The following CADM2 variants were observed in gnomAD, a reference collection of about 807,000 sequenced individuals.
CADM2 encodes immunoglobulin superfamily member 4D.
In CADM2, 12 loss-of-function variants were observed where a neutral mutation model predicts 49.8. The observed-to-expected ratio is 0.24, with a 90% confidence interval of 0.15 to 0.39. CADM2 has a LOEUF of 0.39. Among genes scored for constraint, CADM2 ranks in the 10% least tolerant of loss-of-function variants. The pLI is 1.00. For synonymous variants in CADM2, 214 were observed against 175.4 expected, an observed-to-expected ratio of 1.22 and a Z score of -1.74; for missense variants, 378 against 492.3, an observed-to-expected ratio of 0.77 and a Z score of 2.20.
At chr3:85,162,587 G>T (rs927160127) in intron 1 of CADM2, among the ~76,000 whole-genome samples, 1 of 151,954 alleles carries the variant, frequency 6.6e-6, no homozygotes, top group Non-Finnish European at 1.5e-5. Flanking sequence ...ATATATGGTT[G>T]AGGTTTGTGT....
At chr3:85,073,627 T>G (rs2036837902) in intron 1 of CADM2, among the ~76,000 whole-genome samples, 1 of 152,120 alleles carries the variant, frequency 6.6e-6, no homozygotes, top group Non-Finnish European at 1.5e-5. Flanking sequence ...GGTGGTATAT[T>G]TTCTAGTAGT....
At chr3:85,495,780 A>C (rs1009147641) in intron 1 of CADM2, among the ~76,000 whole-genome samples, 19 of 152,078 alleles carry the variant, frequency 1.2e-4, no homozygotes, top group African/African-American at 4.6e-4. Context: ...TCTTTTAAAC[A>C]ATCAGATTCT....
At chr3:85,290,003 T>C (rs191831805) in intron 1 of CADM2, among the ~76,000 whole-genome samples, 7 of 152,194 alleles carry the variant, frequency 4.6e-5, no homozygotes, top group Non-Finnish European at 2.9e-5. Flanking sequence ...AGAAGACTGG[T>C]GATTTCTGCA....
intron 1 of CADM2, among the ~76,000 whole-genome samples, chr3:85,190,141 G>T (rs575685535): frequency 6.6e-6 from 1 of 151,762 alleles, no homozygotes; most frequent in Non-Finnish European, 1.5e-5. Context: ...AATATCCTAG[G>T]TCTAGACCAC....
intron 1 of CADM2, among the ~76,000 whole-genome samples, chr3:85,611,878 A>C (rs1453736890): frequency 6.6e-6 from 1 of 151,872 alleles, no homozygotes; most frequent in African/African-American, 2.4e-5. Context: ...AGGATGTCTC[A>C]GATAAGAAGA....
intron 1 of CADM2, among the ~76,000 whole-genome samples, chr3:84,961,374 G>T (rs1201316041): frequency 6.6e-6 from 1 of 152,100 alleles, no homozygotes; most frequent in African/African-American, 2.4e-5. Context: ...TGGTACTTTT[G>T]TGTATTTTAC....
chr3:85,419,224 G>A (rs1002693610), intron 1 of CADM2, among the ~76,000 whole-genome samples: 1 of 152,182 alleles, frequency 6.6e-6, no homozygotes. Flanking sequence ...GGGAGGCCGA[G>A]ATGGGTGGAT....
intron 1 of CADM2, among the ~76,000 whole-genome samples, chr3:85,372,733 G>C (rs2033341347): frequency 6.6e-6 from 1 of 152,096 alleles, no homozygotes; most frequent in Non-Finnish European, 1.5e-5. Flanking sequence ...TGAACTCACA[G>C]TTTCACATGA....
chr3:85,943,347 C>A (rs11720798), intron 7 of CADM2, among the ~76,000 whole-genome samples: 37,180 of 130,170 alleles, frequency 0.29, 6,304 homozygotes, highest in East Asian at 0.39. Flanking sequence ...TAATTAGATC[C>A]CATTTGTCAA....
chr3:85,729,397 G>C (rs1449181211), intron 2 of CADM2, among the ~76,000 whole-genome samples: 1 of 152,038 alleles, frequency 6.6e-6, no homozygotes. Flanking sequence ...TTGTGTACCT[G>C]CAACCAACCT....
At chr3:85,704,872 T>A (rs115164602) in intron 1 of CADM2, among the ~76,000 whole-genome samples, 30,985 of 150,196 alleles carry the variant, frequency 0.21, 4,018 homozygotes, top group Middle Eastern at 0.29. Flanking sequence ...TATTATTTTT[T>A]TTTTTTGATG....
At chr3:85,630,399 G>T (rs1374058433) in intron 1 of CADM2, among the ~76,000 whole-genome samples, 2 of 151,910 alleles carry the variant, frequency 1.3e-5, no homozygotes, top group Non-Finnish European at 2.9e-5. Flanking sequence ...TCAGTTCAAA[G>T]ATCTCTTTCT....
intron 1 of CADM2, among the ~76,000 whole-genome samples, chr3:85,628,580 C>CACATATATATACGTATATAT (rs2064198550): frequency 7.0e-6 from 1 of 142,682 alleles, no homozygotes; most frequent in African/African-American, 2.6e-5. Flanking sequence ...TATATACACA[C>CACATATATATACGTATATAT]ACATATATAT....
At chr3:85,543,427 T>TGG (rs1553739554) in intron 1 of CADM2, among the ~76,000 whole-genome samples, 14 of 53,366 alleles carry the variant, frequency 2.6e-4, no homozygotes, top group South Asian at 8.3e-4. Context: ...CTAATGTGTG[T>TGG]GTGTGTGTGT....
chr3:85,565,591 C>G (rs1023841026), intron 1 of CADM2, among the ~76,000 whole-genome samples: 1 of 151,956 alleles, frequency 6.6e-6, no homozygotes, highest in African/African-American at 2.4e-5. Flanking sequence ...TAACAATGCT[C>G]ATATCTCTCT....
At chr3:85,888,234 T>C (rs1337097243) in intron 5 of CADM2, among the ~76,000 whole-genome samples, 1 of 152,178 alleles carries the variant, frequency 6.6e-6, no homozygotes, top group African/African-American at 2.4e-5. Context: ...TCATTAATAT[T>C]GATTGATTGT....
chr3:85,473,981 T>C (rs1447923209), intron 1 of CADM2, among the ~76,000 whole-genome samples: 2 of 152,022 alleles, frequency 1.3e-5, no homozygotes, highest in African/African-American at 2.4e-5. Context: ...ATATTCTCTT[T>C]CTTGCATTCC....
intron 2 of CADM2, among the ~76,000 whole-genome samples, chr3:85,786,493 A>G (rs1469682580): frequency 6.6e-6 from 1 of 152,106 alleles, no homozygotes; most frequent in Non-Finnish European, 1.5e-5. Flanking sequence ...TGAAATCAAC[A>G]TTAATGAAAT....
chr3:85,279,443 A>G (rs2043446063), intron 1 of CADM2, among the ~76,000 whole-genome samples: 1 of 151,550 alleles, frequency 6.6e-6, no homozygotes, highest in Admixed American at 6.6e-5. Flanking sequence ...CAGTGGGTCT[A>G]TATTCAGCTT....
Sources: gnomAD v4.1 joint callset for allele counts (sites outside exome capture counted in the v4.1 genomes callset) on GRCh38, gnomAD v4.1.1 for gene constraint, MANE v1.5 for transcripts, NCBI Gene and HGNC (gene_info 2026-07-23, HGNC 2026-07-21) for gene names.